Variants in SIPA1L3 observed in about 807,000 individuals in gnomAD.
The protein encoded by SIPA1L3 is signal-induced proliferation-associated 1-like protein 3.
In SIPA1L3, 59 loss-of-function variants were observed where a neutral mutation model predicts 150.1. The ratio of observed to expected loss-of-function variants is 0.39; its 90% confidence interval spans 0.32 to 0.49. The LOEUF (loss-of-function observed/expected upper bound fraction) is 0.49. Ranked by LOEUF, SIPA1L3 falls within the 20% of genes least tolerant of loss-of-function variation. The pLI is 0.86. For synonymous variants in SIPA1L3, 1,070 were observed against 1,077.6 expected (o/e 0.99, Z 0.14); for missense variants, 2,211 against 2,489.5 (o/e 0.89, Z 2.38).
chr19:38,113,928 C>T (rs897661287), intron 8 of SIPA1L3, among the ~76,000 whole-genome samples: 3 of 152,070 alleles, frequency 2.0e-5, no homozygotes, highest in Non-Finnish European at 2.9e-5. Flanking sequence ...GTGCAATTTC[C>T]GAATGGCCAC....
In SIPA1L3 at chr19:38,100,150, G is replaced by A. The variant is rs1361857706; in HGVS notation, c.1854G>A (p.Gly618=). The A allele has an allele frequency of 6.4e-7, 1 of 1,566,978 alleles. No homozygotes were observed. The highest frequency in any genetic ancestry group is 1.2e-5 in the South Asian group (1 of 84,756). ...TEQLLKLDEQ[G]LCRKHKVGIL... is the part of the protein sequence containing the mutation. ...AACTGCTGAAGCTCGATGAGCAAGG[G>A]GTGAGTCAGGGGCTGGAGGTGGGGG... is the stretch of plus-strand genomic sequence containing the variant. The change falls in exon 5 of 22, where the codon GGG becomes GGA. Residue 618 remains glycine, a splice_region_variant and synonymous_variant. Coordinates refer to ENST00000222345, the MANE Select transcript of SIPA1L3 (RefSeq NM_015073.3).
At chr19:38,032,383 A>G (rs887927549) in intron 2 of SIPA1L3, among the ~76,000 whole-genome samples, 1 of 152,212 alleles carries the variant, frequency 6.6e-6, no homozygotes, top group Non-Finnish European at 1.5e-5. Flanking sequence ...GAACATGAAC[A>G]GGTTTCGTTT....
At chr19:37,999,130 A>G (rs56677000) in intron 1 of SIPA1L3, among the ~76,000 whole-genome samples, 1,653 of 152,258 alleles carry the variant, frequency 0.011, 32 homozygotes, top group African/African-American at 0.037. Flanking sequence ...ACCACCTTGC[A>G]GTTCTTCGTT....
intron 12 of SIPA1L3, among the ~76,000 whole-genome samples, chr19:38,150,561 C>A (rs1427337586): frequency 8.0e-6 from 1 of 125,418 alleles, no homozygotes; most frequent in Non-Finnish European, 1.6e-5. Flanking sequence ...GAAATGGAGT[C>A]TTGTTCTGTT....
At chr19:37,999,873 C>T (rs1967740687) in intron 1 of SIPA1L3, among the ~76,000 whole-genome samples, 1 of 152,124 alleles carries the variant, frequency 6.6e-6, no homozygotes, top group Non-Finnish European at 1.5e-5. Flanking sequence ...GTCATGATTG[C>T]CAGGGTCTTG....
At chr19:38,120,309 AAAAG>A (rs1200286303) in intron 9 of SIPA1L3, among the ~76,000 whole-genome samples, 1 of 151,856 alleles carries the variant, frequency 6.6e-6, no homozygotes, top group Admixed American at 6.6e-5. Flanking sequence ...AAAAAAAAAA[AAAAG>A]AAAAGAAAAT....
At chr19:38,074,355 C>T (rs1232222435) in intron 2 of SIPA1L3, among the ~76,000 whole-genome samples, 2 of 152,226 alleles carry the variant, frequency 1.3e-5, no homozygotes, top group East Asian at 1.9e-4. Context: ...GCCCATCTGT[C>T]GGGAGGTGCT....
chr19:38,073,898 A>G (rs1568533728), intron 2 of SIPA1L3, among the ~76,000 whole-genome samples: 1 of 152,326 alleles, frequency 6.6e-6, no homozygotes, highest in East Asian at 1.9e-4. Context: ...TGTGGGGGGA[A>G]AGGGGAAGCA....
At chr19:38,139,524 A>C (rs762345049) in intron 10 of SIPA1L3, among the ~76,000 whole-genome samples, 1 of 152,048 alleles carries the variant, frequency 6.6e-6, no homozygotes, top group African/African-American at 2.4e-5. Context: ...ATAGACGTTC[A>C]TATTGTTATT....
At chr19:38,177,360 C>CA (rs371696539) in intron 15 of SIPA1L3, among the ~76,000 whole-genome samples, 47,334 of 121,286 alleles carry the variant, frequency 0.39, 10,229 homozygotes, top group Middle Eastern at 0.57. Flanking sequence ...GACTCCATCT[C>CA]AAAAAAAAAA....
At chr19:38,120,023 G>A in intron 9 of SIPA1L3, 141 bp downstream of exon 9, 2 of 619,294 alleles carry the variant, frequency 3.2e-6, no homozygotes, top group Non-Finnish European at 5.5e-6. Context: ...TTACAAACTA[G>A]ACATCTTGTG....
At chr19:38,168,596 A>C (rs537209026) in intron 15 of SIPA1L3, among the ~76,000 whole-genome samples, 5 of 152,286 alleles carry the variant, frequency 3.3e-5, no homozygotes, top group African/African-American at 9.6e-5. Context: ...CATTCCAGGC[A>C]TGGGACCACC....
chr19:38,002,176 T>C (rs8113095), intron 1 of SIPA1L3, among the ~76,000 whole-genome samples: 3 of 152,214 alleles, frequency 2.0e-5, no homozygotes. Flanking sequence ...ACTGAAACTC[T>C]GTCTCTGAAA....
chr19:38,112,283 CAT>C (rs558324477), intron 8 of SIPA1L3, among the ~76,000 whole-genome samples: 66 of 152,076 alleles, frequency 4.3e-4, no homozygotes, highest in South Asian at 2.1e-3. Flanking sequence ...TATGCACACA[CAT>C]ATGCACACAT....
At chr19:38,072,839 C>A (rs1176153003) in intron 2 of SIPA1L3, among the ~76,000 whole-genome samples, 1 of 152,266 alleles carries the variant, frequency 6.6e-6, no homozygotes, top group Non-Finnish European at 1.5e-5. Flanking sequence ...GTCCTGTGAG[C>A]TTCTGGCAGA....
chr19:37,923,530 G>A (rs1293465690), intron 1 of SIPA1L3, among the ~76,000 whole-genome samples: 1 of 152,176 alleles, frequency 6.6e-6, no homozygotes, highest in Non-Finnish European at 1.5e-5. Context: ...GGCACTTACC[G>A]TGGATGGAGC....
chr19:38,123,283 T>A (rs1377747904), intron 9 of SIPA1L3, among the ~76,000 whole-genome samples: 1 of 151,080 alleles, frequency 6.6e-6, no homozygotes, highest in South Asian at 2.1e-4. Context: ...GTTTTTTTTT[T>A]AATTGATCAT....
rs1967779904 is a variant in SIPA1L3, at chr19:38,000,914, TA to T, written c.-378-28174del. On this transcript the variant is annotated intron_variant, in intron 1 of 21. Coordinates refer to ENST00000222345, the MANE Select transcript of SIPA1L3 (RefSeq NM_015073.3). ...ATATGTTATATATATATATATAACA[TA>T]TATATAACATATATATAACATATAT... Among the ~76,000 whole-genome samples, 2 of 123,872 alleles carry T rather than the reference TA, an allele frequency of 1.6e-5. 1 individual carries two copies. Among genetic ancestry groups the T allele is most frequent in the Admixed American group, 2.0e-4 (2 of 9,870 alleles). The allele number at this position is 123,872 out of a possible 152,430, so 81.3% of individuals were successfully genotyped here.
chr19:38,018,583 A>G (rs1331423389), intron 1 of SIPA1L3, among the ~76,000 whole-genome samples: 2 of 152,138 alleles, frequency 1.3e-5, no homozygotes, highest in African/African-American at 4.8e-5. Context: ...CATGTCACGC[A>G]TGGATTCTTG....
Sources: gnomAD v4.1 joint callset for allele counts (sites outside exome capture counted in the v4.1 genomes callset) on GRCh38, gnomAD v4.1.1 for gene constraint, MANE v1.5 for transcripts, NCBI Gene and HGNC (gene_info 2026-07-23, HGNC 2026-07-21) for gene names.